SLC27A2: variants seen among roughly 807,000 people sequenced by gnomAD.
SLC27A2 encodes the protein solute carrier family 27 member 2.
SLC27A2 carries 54 observed loss-of-function variants against 60.0 expected under a neutral mutation model. The ratio of observed to expected loss-of-function variants is 0.90; its 90% CI spans 0.72 to 1.13. The LOEUF (loss-of-function observed/expected upper bound fraction) is 1.13, where lower values mean the gene tolerates loss of function less well. Ranked by LOEUF, SLC27A2 falls within the 50% of genes most tolerant of loss-of-function variation. SLC27A2 has a pLI of 0.00. For missense variants in SLC27A2, 739 were observed against 777.6 expected (o/e 0.95, Z 0.59); for synonymous variants, 297 against 297.6 (o/e 1.00, Z 0.02).
intron 8 of SLC27A2, 36 bp from the exon 9 acceptor site, chr15:50,233,832 C>T: frequency 6.3e-7 from 1 of 1,578,108 alleles, no homozygotes; most frequent in Non-Finnish European, 8.6e-7. Context: ...CATAAATAGC[C>T]TTAACACTTC....
intron 1 of SLC27A2, among the ~76,000 whole-genome samples, chr15:50,191,364 T>C (rs1224131910): frequency 6.6e-6 from 1 of 152,186 alleles, no homozygotes; most frequent in African/African-American, 2.4e-5. Context: ...TTCTCCTTGG[T>C]TGAAGAGAGA....
chr15:50,230,741 G>A (rs1333132568), intron 8 of SLC27A2, among the ~76,000 whole-genome samples: 2 of 152,158 alleles, frequency 1.3e-5, no homozygotes, highest in African/African-American at 4.8e-5. Flanking sequence ...GTCAGCCATT[G>A]TGCCACCCTA....
rs1156229936 is a variant in SLC27A2 at position 50,226,040 on chromosome 15, T to C, written c.1220T>C (p.Val407Ala). The C allele has an allele frequency of 1.2e-6, 2 of 1,612,146 alleles. No individual in the cohort carries two copies. Among genetic ancestry groups the C allele is most frequent in the Non-Finnish European group, 8.5e-7 (1 of 1,178,194 alleles). Reference sequence around the variant, plus strand: ...TATGATGTGGAGAAAGATGAACCTGTCCGTGATGAAAATGGATATTGCGTC... The same window carrying C: ...TATGATGTGGAGAAAGATGAACCTGCCCGTGATGAAAATGGATATTGCGTC... Reference protein sequence around the residue: ...IKYDVEKDEPVRDENGYCVRV... With the variant: ...IKYDVEKDEPARDENGYCVRV... The change falls in exon 6 of 10, where the codon GTC (valine) becomes GCC (alanine). Residue 407 changes from valine to alanine, a missense_variant. Transcript: ENST00000267842.
chr15:50,215,620 T>C (rs928144550), intron 4 of SLC27A2, among the ~76,000 whole-genome samples: 3 of 152,198 alleles, frequency 2.0e-5, no homozygotes, highest in Admixed American at 6.5e-5. Context: ...AACAGGCATG[T>C]AGACCATTGC....
intron 9 of SLC27A2, 98 bp from the exon 10 acceptor site, chr15:50,235,822 T>C (rs1256598807): frequency 2.5e-5 from 21 of 829,666 alleles, no homozygotes; most frequent in Middle Eastern, 4.9e-4. Context: ...GGGATGCTAA[T>C]GATTTGCTAG....
At chr15:50,219,502 G>A (rs1031938163) in intron 4 of SLC27A2, among the ~76,000 whole-genome samples, 6 of 150,470 alleles carry the variant, frequency 4.0e-5, no homozygotes, top group African/African-American at 9.8e-5. Flanking sequence ...CACAGTGGAC[G>A]CCCTCTCAAG....
chr15:50,224,435 A>G (rs1006114541), intron 5 of SLC27A2, among the ~76,000 whole-genome samples: 3 of 152,274 alleles, frequency 2.0e-5, no homozygotes, highest in Admixed American at 1.3e-4. Flanking sequence ...GCGAAACTCC[A>G]TCTCAAAAAA....
intron 2 of SLC27A2, among the ~76,000 whole-genome samples, chr15:50,201,104 A>T (rs909578002): frequency 1.3e-5 from 2 of 151,994 alleles, no homozygotes; most frequent in African/African-American, 4.8e-5. Context: ...CGATCATCCC[A>T]CCCAAGTAGC....
intron 4 of SLC27A2, among the ~76,000 whole-genome samples, chr15:50,209,326 C>T (rs554156672): frequency 6.6e-6 from 1 of 151,922 alleles, no homozygotes. Flanking sequence ...TGGAGAGTGG[C>T]CAATATGACT....
At position 50,228,811 on chromosome 15, in the gene SLC27A2, G is replaced by C. The variant is rs931145603; in HGVS notation, c.1458-134G>C. ...GATACCCCGGCCAGGACTAAGTTGG[G>C]GAGTTTGAGGGGCCAAGATGAGGAA... On this transcript the variant is annotated intron_variant, in intron 7 of 9. Transcript: ENST00000267842. The C allele has an allele frequency of 4.6e-6, 3 of 656,392 alleles. No homozygotes were observed. The African/African-American group carries it at 5.4e-5, about 12-fold the overall frequency. 40.7% of individuals were successfully genotyped at this position (656,392 alleles called of 1,614,324 possible).
In SLC27A2 at chr15:50,196,068, AAAAAAAAAAATATATATATATAT is replaced by A. The variant is rs2045015799; in HGVS notation, c.479-1430_479-1408del. ...GACTCTGTCTCAAAAAAAAAAAAAAAAAAAAAAAAATATATATATATATATATATATATATATATATATATATA... is the reference window on the plus strand; with the variant it reads ...GACTCTGTCTCAAAAAAAAAAAAAAAATATATATATATATATATATATATA... On this transcript the variant is annotated intron_variant, in intron 1 of 9. Coordinates refer to ENST00000267842, the MANE Select transcript of SLC27A2 (RefSeq NM_003645.4). Among the ~76,000 whole-genome samples, 2 of 17,198 alleles carry A rather than the reference AAAAAAAAAAATATATATATATAT, an allele frequency of 1.2e-4. 1 individual carries two copies. Among genetic ancestry groups the A allele is most frequent in the South Asian group, 5.3e-3 (2 of 376 alleles). 11.3% of individuals were successfully genotyped at this position (17,198 alleles called of 152,430 possible). A position where few individuals can be genotyped will look rare whatever the true frequency, so the allele number is the denominator to read the frequency against.
At chr15:50,235,754 ATAAAT>A (rs1230820025) in intron 9 of SLC27A2, among the ~76,000 whole-genome samples, 161 bp from the exon 10 acceptor site, 3 of 152,242 alleles carry the variant, frequency 2.0e-5, no homozygotes, top group Non-Finnish European at 4.4e-5. Context: ...CCATTTAAAA[ATAAAT>A]TAAAATGGAA....
chr15:50,202,400 G>T, intron 2 of SLC27A2, 87 bp from the exon 3 acceptor site: 3 of 1,367,770 alleles, frequency 2.2e-6, no homozygotes, highest in South Asian at 2.5e-5. Context: ...AATACAGGGT[G>T]ATGAATCTTC....
At chr15:50,206,736 C>T (rs986315368) in intron 4 of SLC27A2, among the ~76,000 whole-genome samples, 8 of 152,166 alleles carry the variant, frequency 5.3e-5, no homozygotes, top group Non-Finnish European at 7.3e-5. Flanking sequence ...ACCAGATCTA[C>T]GGCACCAAGA....
At chr15:50,201,741 G>A (rs1230061962) in intron 2 of SLC27A2, among the ~76,000 whole-genome samples, 1 of 152,064 alleles carries the variant, frequency 6.6e-6, no homozygotes, top group East Asian at 1.9e-4. Context: ...ATTTTTAGTA[G>A]AGACGGGGTT....
intron 2 of SLC27A2, among the ~76,000 whole-genome samples, chr15:50,198,745 A>C (rs565304214): frequency 6.6e-6 from 1 of 152,304 alleles, no homozygotes; most frequent in South Asian, 2.1e-4. Flanking sequence ...CTGTTGATTA[A>C]AATTTTAATT....
At position 50,202,727 on chromosome 15, in the gene SLC27A2, G is replaced by C. The variant is rs186148509; in HGVS notation, c.847+82G>C. ...GAACAGTAATACAAAATTTGGCTAC[G>C]TTGCTGTCTGCTAGGAACAGTTTTC... On this transcript the variant is annotated intron_variant, in intron 3 of 9. Coordinates refer to ENST00000267842, the MANE Select transcript of SLC27A2 (RefSeq NM_003645.4). 5.6e-6 allele frequency: 8 copies of C among 1,430,350 alleles called. No homozygotes were observed. In the East Asian group the frequency reaches 1.1e-4, roughly 20 times the overall value. The allele number at this position is 1,430,350 out of a possible 1,614,324, so 88.6% of individuals were successfully genotyped here. A position where few individuals can be genotyped will look rare whatever the true frequency, so the allele number is the denominator to read the frequency against.
chr15:50,216,046 T>C (rs757438570), intron 4 of SLC27A2, among the ~76,000 whole-genome samples: 15 of 151,920 alleles, frequency 9.9e-5, no homozygotes, highest in Admixed American at 5.2e-4. Flanking sequence ...TGGGAGAAAA[T>C]CTTCACAATC....
At chr15:50,200,043 A>G (rs1169265138) in intron 2 of SLC27A2, among the ~76,000 whole-genome samples, 1 of 152,408 alleles carries the variant, frequency 6.6e-6, no homozygotes, top group African/African-American at 2.4e-5. Context: ...TATAATAGTT[A>G]CCAGATATTC....
Sources: allele counts gnomAD v4.1 joint callset (sites outside exome capture counted in the v4.1 genomes callset), GRCh38; gene constraint gnomAD v4.1.1; transcripts MANE v1.5; gene names NCBI Gene and HGNC (gene_info 2026-07-23, HGNC 2026-07-21).